STIM1: variants seen among roughly 807,000 people sequenced by gnomAD.
STIM1 encodes stromal interaction molecule 1.
In STIM1, 25 loss-of-function variants were observed where a neutral mutation model predicts 74.7. That is an observed-to-expected ratio of 0.33 (90% confidence interval 0.24 to 0.47). The LOEUF (loss-of-function observed/expected upper bound fraction) is 0.47, where lower values mean the gene tolerates loss of function less well. Ranked by LOEUF, STIM1 falls within the 20% of genes least tolerant of loss-of-function variation. The pLI, the probability that STIM1 is intolerant of heterozygous loss-of-function variation, is 1.00. For missense variants in STIM1, 728 were observed against 920.8 expected (o/e 0.79, Z 2.71); for synonymous variants, 328 against 348.8 (o/e 0.94, Z 0.66).
intron 1 of STIM1, among the ~76,000 whole-genome samples, chr11:3,923,515 A>G (rs1000527681): frequency 3.3e-5 from 5 of 151,018 alleles, no homozygotes; most frequent in African/African-American, 1.2e-4. Context: ...AGGCTGAGGC[A>G]TGAGAATTGC....
chr11:4,013,630 A>G (rs1590648016), intron 2 of STIM1, among the ~76,000 whole-genome samples: 4 of 133,858 alleles, frequency 3.0e-5, no homozygotes, highest in South Asian at 4.7e-4. Flanking sequence ...TTGCATCTGT[A>G]TGATTCTTCT....
intron 3 of STIM1, among the ~76,000 whole-genome samples, chr11:4,038,532 A>G (rs932574782): frequency 7.2e-5 from 11 of 152,152 alleles, no homozygotes; most frequent in African/African-American, 2.2e-4. Context: ...GGGCAATTGT[A>G]TAACTTCCCT....
intron 3 of STIM1, among the ~76,000 whole-genome samples, chr11:4,029,765 C>T (rs1314457369): frequency 2.0e-5 from 3 of 152,318 alleles, no homozygotes; most frequent in Non-Finnish European, 2.9e-5. Flanking sequence ...AAATAATTAT[C>T]TTACTTGCTT....
chr11:3,987,040 TG>T (rs34182091), intron 2 of STIM1, among the ~76,000 whole-genome samples: 2 of 152,328 alleles, frequency 1.3e-5, no homozygotes, highest in Non-Finnish European at 2.9e-5. Flanking sequence ...TAGAAGTCTC[TG>T]GGAAGTCACT....
intron 1 of STIM1, among the ~76,000 whole-genome samples, chr11:3,955,540 AT>A (rs2093201620): frequency 6.6e-6 from 1 of 152,128 alleles, no homozygotes; most frequent in Non-Finnish European, 1.5e-5. Context: ...AATGTTCTAT[AT>A]TTTTTATTTC....
chr11:3,999,021 A>G (rs1565142536), intron 2 of STIM1, among the ~76,000 whole-genome samples: 1 of 152,256 alleles, frequency 6.6e-6, no homozygotes, highest in Non-Finnish European at 1.5e-5. Flanking sequence ...ATATACATCA[A>G]TGCATGAGCC....
rs138785891 is a variant in STIM1, at chr11:3,876,951, A to G, written c.139+20542A>G. 6.9e-3 allele frequency among the ~76,000 whole-genome samples: 1,048 copies of G among 152,300 alleles called. 10 individuals are homozygous for G. The highest frequency in any genetic ancestry group is 0.012 in the Non-Finnish European group (806 of 68,022). On this transcript the variant is annotated intron_variant, in intron 1 of 12. Coordinates refer to ENST00000526596, the MANE Select transcript of STIM1 (RefSeq NM_001382567.1). ...ATTTGGAATCAGACAGACCAGGTTC[A>G]TATTTGGGTTCTGCCCAGCCCCTTT...
chr11:4,073,149 G>T lies in STIM1; in HGVS notation c.792-1353G>T, dbSNP rs185549084. 3.8e-3 allele frequency among the ~76,000 whole-genome samples: 542 copies of T among 141,414 alleles called. 3 individuals carry two copies. The highest frequency in any genetic ancestry group is 9.4e-3 in the South Asian group (40 of 4,270). The allele number at this position is 141,414 out of a possible 152,430, so 92.8% of individuals were successfully genotyped here. On this transcript the variant is annotated intron_variant, in intron 6 of 12. Coordinates refer to ENST00000526596, the MANE Select transcript of STIM1 (RefSeq NM_001382567.1). ...CTCTAGGGGTCCTTCTTGTTCTGTA[G>T]TCTATCCTTTCTTTTCTATACCTCA...
At chr11:3,918,696 G>C (rs2092681817) in intron 1 of STIM1, among the ~76,000 whole-genome samples, 1 of 152,106 alleles carries the variant, frequency 6.6e-6, no homozygotes. Context: ...TTGGCCAACA[G>C]AGTTCCATTC....
At chr11:3,892,710 A>T (rs543296140) in intron 1 of STIM1, 1 of 1,613,062 alleles carries the variant, frequency 6.2e-7, no homozygotes, top group African/African-American at 1.3e-5. Context: ...TGACACATAA[A>T]CCCTGGAATA....
At chr11:4,024,409 C>G (rs2093982399) in intron 3 of STIM1, among the ~76,000 whole-genome samples, 1 of 152,170 alleles carries the variant, frequency 6.6e-6, no homozygotes. Flanking sequence ...CAGACAGACT[C>G]TCTCCTCTTC....
chr11:3,940,946 G>A (rs1043846941), intron 1 of STIM1, among the ~76,000 whole-genome samples: 1 of 152,146 alleles, frequency 6.6e-6, no homozygotes, highest in Non-Finnish European at 1.5e-5. Context: ...GTAGCTAAGA[G>A]CTTGGACTCT....
intron 1 of STIM1, among the ~76,000 whole-genome samples, chr11:3,902,182 G>A (rs1318285677): frequency 1.3e-5 from 2 of 152,196 alleles, no homozygotes; most frequent in African/African-American, 4.8e-5. Context: ...GAGTGTGGAA[G>A]TATAAGTTAC....
Position 3,855,902 on chromosome 11 carries a change from CT to C in STIM1, c.-367del, listed in dbSNP as rs2090346700. The C allele has an allele frequency of 3.6e-6, 1 of 281,496 alleles. No individual in the cohort carries two copies. Among genetic ancestry groups the C allele is most frequent in the African/African-American group, 2.2e-5 (1 of 44,944 alleles). The allele number at this position is 281,496 out of a possible 1,614,324, so 17.4% of individuals were successfully genotyped here. ...TCTCGCCTCTCTTCTCTTCTCTTCT[CT>C]TCCTCCTCCACTTCTGTGCCCGCGG... On this transcript the variant is annotated 5_prime_UTR_variant, in exon 1 of 13. Transcript: ENST00000526596.
intron 1 of STIM1, among the ~76,000 whole-genome samples, chr11:3,949,244 TAGTC>T (rs2093116457): frequency 6.6e-6 from 1 of 151,984 alleles, no homozygotes; most frequent in Non-Finnish European, 1.5e-5. Flanking sequence ...GAGTATGAAT[TAGTC>T]AGGTGCAGAA....
chr11:4,002,266 C>A (rs1310515537), intron 2 of STIM1, among the ~76,000 whole-genome samples: 3 of 151,924 alleles, frequency 2.0e-5, no homozygotes, highest in African/African-American at 7.3e-5. Flanking sequence ...CTCTCCACCC[C>A]AAATCAACAG....
At chr11:3,895,640 TTC>T (rs1180002743) in intron 1 of STIM1, among the ~76,000 whole-genome samples, 5 of 7,488 alleles carry the variant, frequency 6.7e-4, no homozygotes, top group African/African-American at 8.4e-4. Context: ...CTTTCTTTCT[TTC>T]TTTCTTTCTT....
chr11:4,024,065 A>G, intron 3 of STIM1, 78 bp downstream of exon 3: 1 of 1,202,428 alleles, frequency 8.3e-7, no homozygotes, highest in Admixed American at 1.8e-5. Flanking sequence ...GCCTTAGAAG[A>G]ACATGTATAT....
At chr11:3,916,827 A>G (rs1180710531) in intron 1 of STIM1, among the ~76,000 whole-genome samples, 1 of 152,110 alleles carries the variant, frequency 6.6e-6, no homozygotes, top group Non-Finnish European at 1.5e-5. Flanking sequence ...ACCTCAGGTG[A>G]TCTGTCCACC....
Sources: allele counts gnomAD v4.1 joint callset (sites outside exome capture counted in the v4.1 genomes callset), GRCh38; gene constraint gnomAD v4.1.1; transcripts MANE v1.5; gene names NCBI Gene and HGNC (gene_info 2026-07-23, HGNC 2026-07-21).